ZNF541: variants seen among roughly 807,000 people sequenced by gnomAD.
The protein encoded by ZNF541 is zinc finger protein 541.
ZNF541 carries 23 observed loss-of-function variants against 123.5 expected under a neutral mutation model. The observed-to-expected ratio is 0.19, with a 90% CI of 0.13 to 0.26. The LOEUF (loss-of-function observed/expected upper bound fraction) is 0.26. Among genes scored for constraint, ZNF541 ranks in the 10% least tolerant of loss-of-function variants. The pLI is 1.00. For synonymous variants in ZNF541, 751 were observed against 754.5 expected, an observed-to-expected ratio of 1.00 and a Z score of 0.08; for missense variants, 1,612 against 1,789.9, an observed-to-expected ratio of 0.90 and a Z score of 1.79.
chr19:47,548,695 AACAGAAGCAGGGGCTTCCTC>A (rs1568506174), intron 4 of ZNF541, among the ~76,000 whole-genome samples: 1 of 152,196 alleles, frequency 6.6e-6, no homozygotes, highest in African/African-American at 2.4e-5. Context: ...CCCATCTGCA[AACAGAAGCAGGGGCTTCCTC>A]ACAGGCGTGA....
intron 2 of ZNF541, among the ~76,000 whole-genome samples, chr19:47,558,532 G>C (rs1456438101): frequency 6.6e-6 from 1 of 151,076 alleles, no homozygotes; most frequent in East Asian, 1.9e-4. Flanking sequence ...TTAGATAACA[G>C]ATTAAAATGG....
intron 12 of ZNF541, 72 bp from the exon 13 acceptor site, chr19:47,529,724 T>A: frequency 1.4e-6 from 2 of 1,412,464 alleles, no homozygotes; most frequent in South Asian, 2.5e-5. Context: ...CTCCCATTCA[T>A]CTGAAAAACA....
chr19:47,571,579 C>T (rs1212847174), intron 2 of ZNF541, among the ~76,000 whole-genome samples: 5 of 152,216 alleles, frequency 3.3e-5, no homozygotes, highest in African/African-American at 7.2e-5. Context: ...CTTTGCTTCA[C>T]GACAATCCTT....
chr19:47,546,151 A>G (rs1403469534), intron 4 of ZNF541, among the ~76,000 whole-genome samples, 171 bp from the exon 5 acceptor site: 2 of 151,270 alleles, frequency 1.3e-5, no homozygotes, highest in African/African-American at 4.9e-5. Flanking sequence ...GGTCAAAGCC[A>G]TCTGGCAGGG....
At chr19:47,537,099 C>G (rs574628937) in intron 9 of ZNF541, among the ~76,000 whole-genome samples, 1 of 152,084 alleles carries the variant, frequency 6.6e-6, no homozygotes, top group African/African-American at 2.4e-5. Flanking sequence ...GGGATATGGG[C>G]GGAGTCACTG....
rs776217535 is a variant in ZNF541, at chr19:47,545,270, G to A, written c.1259C>T (p.Pro420Leu). 3 of 1,549,310 alleles carry A rather than the reference G, an allele frequency of 1.9e-6. No individual in the cohort carries two copies. Among genetic ancestry groups the A allele is most frequent in the Admixed American group, 3.9e-5 (2 of 50,974 alleles). Residue 420 changes from proline (P) to leucine (L), a missense_variant, in exon 5 of 17, where the codon CCG (proline) becomes CTG (leucine). Pro to Leu is a moderately conservative substitution (Grantham distance 98, BLOSUM62 -3). Around this residue, in one of 5 missense-constraint regions of ZNF541, gnomAD observed 1,080 missense variants for 1,013.8 expected, o/e 1.07. Transcript: ENST00000391901. The surrounding 1 kb of genome is among the most constrained non-coding windows in gnomAD (Gnocchi z 7.5). ...GTTGCCTTTGCTTTTGGGACAGCCC[G>A]GCAGGTTCCGGAGCCACTGGAAGCT... The part of the protein sequence containing the change: ...SHSFQWLRNL[P>L]GCPKSKGNNV...
rs114545922 is a variant in ZNF541, at chr19:47,521,389, C to A, written c.3888-12G>T. On this transcript the variant is annotated splice_polypyrimidine_tract_variant and intron_variant, in intron 16 of 16. Transcript: ENST00000391901. This position sits in a 1 kb window ranked among gnomAD's most constrained non-coding sequence, Gnocchi z 4.2. ...TCTTGTCAAACACCCTGAGGAGTCA[C>A]CAGAGGACATGGGGTCAGAGCAGGG... is the stretch of plus-strand genomic sequence containing the variant. 5.3e-3 allele frequency: 8,153 copies of A among 1,551,648 alleles called. 119 individuals carry two copies. Among genetic ancestry groups the A allele is most frequent in the African/African-American group, 0.038 (2,804 of 73,150 alleles).
intron 3 of ZNF541, among the ~76,000 whole-genome samples, chr19:47,549,860 G>C (rs1045307791): frequency 6.6e-6 from 1 of 152,130 alleles, no homozygotes; most frequent in Non-Finnish European, 1.5e-5. Context: ...TCTGTTTTTG[G>C]GGTTTTCACA....
intron 2 of ZNF541, among the ~76,000 whole-genome samples, chr19:47,560,594 A>G (rs1308661300): frequency 1.3e-5 from 2 of 151,822 alleles, no homozygotes; most frequent in Admixed American, 1.3e-4. Flanking sequence ...AAAAAAAAAA[A>G]AAGTCCACAC....
chr19:47,533,259 C>T (rs1358890607), intron 9 of ZNF541, among the ~76,000 whole-genome samples: 1 of 148,648 alleles, frequency 6.7e-6, no homozygotes, highest in Non-Finnish European at 1.5e-5. Context: ...GTAGTCCCAG[C>T]TGAGACAGAA....
intron 4 of ZNF541, among the ~76,000 whole-genome samples, chr19:47,548,810 T>A (rs1970474102): frequency 6.6e-6 from 1 of 152,128 alleles, no homozygotes; most frequent in Non-Finnish European, 1.5e-5. Context: ...GCACGGTGGC[T>A]CACACCTGTA....
In ZNF541 at chr19:47,540,398, T is replaced by C. The variant is rs1388883681; in HGVS notation, c.2463-63A>G. 2.1e-6 allele frequency: 3 copies of C among 1,457,020 alleles called. No homozygotes were observed. The East Asian group carries it at 7.8e-5, about 38-fold the overall frequency. The allele number at this position is 1,457,020 out of a possible 1,614,324, so 90.3% of individuals were successfully genotyped here. On this transcript the variant is annotated intron_variant, in intron 6 of 16. Coordinates refer to ENST00000391901, the MANE Select transcript of ZNF541 (RefSeq NM_001277075.3). Reference sequence around the variant, plus strand: ...GACTCTGTCCTTGATCACTGATTTTTTGTTGTTTTTTTTTCTTTTTTGTCT... The same window carrying C: ...GACTCTGTCCTTGATCACTGATTTTCTGTTGTTTTTTTTTCTTTTTTGTCT...
intron 6 of ZNF541, 130 bp downstream of exon 6, chr19:47,540,762 TA>T: frequency 1.1e-6 from 1 of 905,562 alleles, no homozygotes; most frequent in Admixed American, 3.0e-5. Flanking sequence ...ATAAACCCTA[TA>T]AAATGGAGGC....
At chr19:47,547,631 G>C (rs1429452937) in intron 4 of ZNF541, among the ~76,000 whole-genome samples, 1 of 152,116 alleles carries the variant, frequency 6.6e-6, no homozygotes, top group African/African-American at 2.4e-5. Context: ...GTAGGTGTGG[G>C]TGAGAGGATA....
chr19:47,544,281 TG>T lies in ZNF541; in HGVS notation c.2247del (p.Arg750GlyfsTer26). ...RGGGYRLLGN[P>X]RAPRFSGFRK... is the part of the protein sequence containing the mutation. ...CGGAAGCCGGAGAATCGCGGGGCCC[TG>T]GGGTTGCCCAAGAGCCGGTAGCCTC... On this transcript the variant is annotated frameshift_variant, in exon 5 of 17. Transcript: ENST00000391901. LOFTEE classifies it high-confidence loss of function. 1 of 1,551,476 alleles carries T rather than the reference TG, an allele frequency of 6.4e-7. No homozygotes were observed. Among genetic ancestry groups the T allele is most frequent in the Non-Finnish European group, 8.7e-7 (1 of 1,146,984 alleles).
In ZNF541 at chr19:47,539,771, G is replaced by T. The variant is rs1353601718; in HGVS notation, c.2730C>A (p.Ala910=). ...TKKPLDPTAA[A]PLVVPQSIPV... The stretch of plus-strand genomic sequence containing the variant: ...GGATCGATTGGGGGACCACCAAAGG[G>T]GCTGCAGCTGTGGGGTCCAAGGGCT... Residue 910 remains alanine (A), a synonymous_variant, in exon 8 of 17, where the codon GCC becomes GCA. Coordinates refer to ENST00000391901, the MANE Select transcript of ZNF541 (RefSeq NM_001277075.3). The T allele has an allele frequency of 6.8e-7, 1 of 1,475,412 alleles. No individual in the cohort carries two copies. 91.4% of individuals were successfully genotyped at this position (1,475,412 alleles called of 1,614,324 possible).
intron 4 of ZNF541, 86 bp from the exon 5 acceptor site, chr19:47,546,066 G>T: frequency 8.3e-7 from 1 of 1,207,492 alleles, no homozygotes. Context: ...CCAAAAGTCT[G>T]TGGTACAGTT....
At chr19:47,569,025 T>C (rs1022562555) in intron 2 of ZNF541, among the ~76,000 whole-genome samples, 1 of 152,140 alleles carries the variant, frequency 6.6e-6, no homozygotes, top group African/African-American at 2.4e-5. Context: ...CTACACAGTA[T>C]TTTTACAAAT....
intron 3 of ZNF541, among the ~76,000 whole-genome samples, chr19:47,550,540 C>T (rs1029689832): frequency 6.6e-6 from 1 of 152,048 alleles, no homozygotes; most frequent in Non-Finnish European, 1.5e-5. Flanking sequence ...TTTTATGTAT[C>T]CCTTGGATAA....
Sources: allele counts gnomAD v4.1 joint callset (sites outside exome capture counted in the v4.1 genomes callset), GRCh38; gene constraint gnomAD v4.1.1; regional missense constraint gnomAD v4.1.1; non-coding constraint Gnocchi (gnomAD v3.1); transcripts MANE v1.5; gene names NCBI Gene and HGNC (gene_info 2026-07-23, HGNC 2026-07-21).